DNAJC5B: variants seen among roughly 807,000 people sequenced by gnomAD.
DNAJC5B encodes the protein DnaJ heat shock protein family (Hsp40) member C5 beta, also known as dnaJ homolog subfamily C member 5B.
In DNAJC5B, 23 loss-of-function variants were observed where a neutral mutation model predicts 24.7. That is an observed-to-expected ratio of 0.93 (90% CI 0.67 to 1.32). The LOEUF (loss-of-function observed/expected upper bound fraction) is 1.32, where lower values mean the gene tolerates loss of function less well. DNAJC5B is among the 40% of genes most tolerant of loss of function. The probability of loss-of-function intolerance (pLI) is 0.00; values close to 1 mark genes in which losing one functional copy is unlikely to be tolerated. For missense variants in DNAJC5B, 238 were observed against 240.8 expected (o/e 0.99, Z 0.08); for synonymous variants, 101 against 90.1 (o/e 1.12, Z -0.68).
At chr8:66,097,070 T>C (rs1303609365) in intron 5 of DNAJC5B, among the ~76,000 whole-genome samples, 1 of 152,124 alleles carries the variant, frequency 6.6e-6, no homozygotes. Flanking sequence ...ATTATAACTA[T>C]TGAGTGAGTT....
intron 5 of DNAJC5B, among the ~76,000 whole-genome samples, chr8:66,098,522 G>A (rs1246209205): frequency 1.3e-5 from 2 of 152,052 alleles, no homozygotes; most frequent in Admixed American, 6.5e-5. Context: ...CTTGTTCTTG[G>A]ATCTATGGAT....
chr8:66,020,741 G>T (rs536102541), upstream of DNAJC5B, among the ~76,000 whole-genome samples: 2 of 151,956 alleles, frequency 1.3e-5, no homozygotes, highest in Middle Eastern at 6.8e-3. Context: ...GGGTTTAAGC[G>T]ATCATCCCCT....
intron 3 of DNAJC5B, among the ~76,000 whole-genome samples, chr8:66,067,078 A>G (rs1438158148): frequency 6.6e-6 from 1 of 152,152 alleles, no homozygotes; most frequent in African/African-American, 2.4e-5. Context: ...CAACGAAGAC[A>G]TAAGTGATCA....
intron 1 of DNAJC5B, among the ~76,000 whole-genome samples, chr8:66,032,188 T>C (rs1806373834): frequency 1.3e-5 from 2 of 152,222 alleles, no homozygotes; most frequent in Non-Finnish European, 1.5e-5. Context: ...TCTGAACCAG[T>C]ATGGCCACTG....
At chr8:66,065,731 G>A (rs1807177902) in intron 3 of DNAJC5B, among the ~76,000 whole-genome samples, 1 of 152,178 alleles carries the variant, frequency 6.6e-6, no homozygotes. Flanking sequence ...GTGCTTGGGT[G>A]CTTCGATATG....
At chr8:66,028,042 T>G (rs1327561620) in intron 1 of DNAJC5B, among the ~76,000 whole-genome samples, 1 of 152,066 alleles carries the variant, frequency 6.6e-6, no homozygotes, top group Non-Finnish European at 1.5e-5. Flanking sequence ...ATGTGAAAAA[T>G]GTGCGCACTG....
intron 2 of DNAJC5B, among the ~76,000 whole-genome samples, chr8:66,047,093 T>G (rs1248573396): frequency 6.6e-6 from 1 of 152,236 alleles, no homozygotes; most frequent in African/African-American, 2.4e-5. Flanking sequence ...ACCAGTGCAT[T>G]CTCTTCCTTG....
intron 3 of DNAJC5B, among the ~76,000 whole-genome samples, chr8:66,061,301 G>A (rs934258104): frequency 6.6e-6 from 1 of 152,114 alleles, no homozygotes; most frequent in African/African-American, 2.4e-5. Flanking sequence ...CTAAAAATGA[G>A]TGCAAGGTAT....
chr8:66,053,013 T>C (rs1453957056), intron 3 of DNAJC5B, among the ~76,000 whole-genome samples: 3 of 152,182 alleles, frequency 2.0e-5, no homozygotes, highest in Non-Finnish European at 4.4e-5. Flanking sequence ...ACTCCTGGGC[T>C]GAAGCAGTCC....
chr8:66,035,792 G>A (rs1170628564), intron 1 of DNAJC5B, among the ~76,000 whole-genome samples: 1 of 152,194 alleles, frequency 6.6e-6, no homozygotes, highest in East Asian at 1.9e-4. Flanking sequence ...ACAGCCTCAT[G>A]TTTGGGCAGG....
chr8:66,071,287 T>C (rs1807342107), intron 3 of DNAJC5B, among the ~76,000 whole-genome samples: 1 of 152,178 alleles, frequency 6.6e-6, no homozygotes, highest in South Asian at 2.1e-4. Context: ...AGAAAATTTT[T>C]TGCAATCTAT....
At chr8:66,085,651 T>G (rs903798950) in intron 5 of DNAJC5B, among the ~76,000 whole-genome samples, 22 of 152,142 alleles carry the variant, frequency 1.4e-4, no homozygotes, top group Admixed American at 1.4e-3. Flanking sequence ...CCCATTGATC[T>G]ATGTGTCTAT....
chr8:66,086,164 A>G (rs1485929446), intron 5 of DNAJC5B, among the ~76,000 whole-genome samples: 1 of 152,160 alleles, frequency 6.6e-6, no homozygotes, highest in Non-Finnish European at 1.5e-5. Flanking sequence ...CTCATTTAAC[A>G]GTTTGGATTT....
At chr8:66,066,945 G>A (rs1167723754) in intron 3 of DNAJC5B, among the ~76,000 whole-genome samples, 1 of 152,276 alleles carries the variant, frequency 6.6e-6, no homozygotes, top group South Asian at 2.1e-4. Flanking sequence ...GAGCTACTGG[G>A]TTTCAGCCTG....
intron 1 of DNAJC5B, among the ~76,000 whole-genome samples, chr8:66,042,224 T>G (rs1464593204): frequency 6.6e-6 from 1 of 152,226 alleles, no homozygotes; most frequent in East Asian, 1.9e-4. Flanking sequence ...GTCCAGTGTT[T>G]GAATTCAATA....
At chr8:66,016,589 C>T (rs1164716825), upstream of DNAJC5B, among the ~76,000 whole-genome samples, 1 of 152,166 alleles carries the variant, frequency 6.6e-6, no homozygotes, top group African/African-American at 2.4e-5. Context: ...AGCGTGAAGA[C>T]AAACTAATAC....
At chr8:66,071,552 A>G (rs1018711102) in intron 3 of DNAJC5B, among the ~76,000 whole-genome samples, 2 of 152,206 alleles carry the variant, frequency 1.3e-5, no homozygotes, top group East Asian at 1.9e-4. Context: ...TCAGGAAACA[A>G]CAGATGCTGG....
At chr8:66,086,207 T>A (rs1807721308) in intron 5 of DNAJC5B, among the ~76,000 whole-genome samples, 1 of 152,220 alleles carries the variant, frequency 6.6e-6, no homozygotes, top group Non-Finnish European at 1.5e-5. Context: ...GGATTTTCTA[T>A]GCAGACAATT....
chr8:66,040,780 T>C (rs1049406167), intron 1 of DNAJC5B, among the ~76,000 whole-genome samples: 5 of 152,246 alleles, frequency 3.3e-5, no homozygotes, highest in African/African-American at 1.2e-4. Flanking sequence ...CAAGTGTTTC[T>C]AGAGAGAGTT....
Sources: gnomAD v4.1 joint callset for allele counts (sites outside exome capture counted in the v4.1 genomes callset) on GRCh38, gnomAD v4.1.1 for gene constraint, MANE v1.5 for transcripts, NCBI Gene and HGNC (gene_info 2026-07-23, HGNC 2026-07-21) for gene names.